The following PLCL1 variants were observed in gnomAD, a reference collection of about 807,000 sequenced individuals.
The protein encoded by PLCL1 is phospholipase C like 1 (inactive).
In PLCL1, 41 loss-of-function variants were observed where a neutral mutation model predicts 84.4. The observed-to-expected ratio is 0.49, with a 90% CI of 0.38 to 0.63. The LOEUF is 0.63. Ranked by LOEUF, PLCL1 falls within the 30% of genes least tolerant of loss-of-function variation. The pLI is 0.00. For synonymous variants in PLCL1, 490 were observed against 488.3 expected, an observed-to-expected ratio of 1.00 and a Z score of -0.05; for missense variants, 1,206 against 1,367.8, an observed-to-expected ratio of 0.88 and a Z score of 1.87.
At chr2:197,978,198 C>G (rs758651699) in intron 1 of PLCL1, among the ~76,000 whole-genome samples, 1 of 152,122 alleles carries the variant, frequency 6.6e-6, no homozygotes, top group Non-Finnish European at 1.5e-5. Context: ...AAGTTCAGGC[C>G]GGGTGTGGTG....
chr2:197,857,945 A>G lies in PLCL1; in HGVS notation c.240+52606A>G, dbSNP rs560161454. Among the ~76,000 whole-genome samples the G allele has an allele frequency of 2.6e-5, 4 of 152,194 alleles. No individual in the cohort carries two copies. The South Asian group carries it at 8.3e-4, about 32-fold the overall frequency. On this transcript the variant is annotated intron_variant, in intron 1 of 5. Coordinates refer to ENST00000428675, the MANE Select transcript of PLCL1 (RefSeq NM_006226.4). ...AAAGAGTCCCTGACTGAGGGCATTT[A>G]CTCTGCAGTTTCTTCATCTAATCAG... is the stretch of plus-strand genomic sequence containing the variant.
intron 1 of PLCL1, among the ~76,000 whole-genome samples, chr2:197,943,182 G>A (rs1287962423): frequency 7.6e-6 from 1 of 131,066 alleles, no homozygotes; most frequent in African/African-American, 2.9e-5. Flanking sequence ...GAGTGACAGA[G>A]TGAGACCCTC....
At chr2:198,014,365 C>T (rs1690941857) in intron 1 of PLCL1, among the ~76,000 whole-genome samples, 1 of 152,046 alleles carries the variant, frequency 6.6e-6, no homozygotes, top group Non-Finnish European at 1.5e-5. Flanking sequence ...CCTCCATTTA[C>T]CATCAATGTG....
At chr2:197,980,271 T>C (rs1239257056) in intron 1 of PLCL1, among the ~76,000 whole-genome samples, 1 of 152,214 alleles carries the variant, frequency 6.6e-6, no homozygotes, top group Non-Finnish European at 1.5e-5. Flanking sequence ...CTGAGTGATA[T>C]GTCCAGTGTG....
At chr2:197,969,017 C>G (rs1053359036) in intron 1 of PLCL1, among the ~76,000 whole-genome samples, 1 of 152,324 alleles carries the variant, frequency 6.6e-6, no homozygotes, top group African/African-American at 2.4e-5. Context: ...AGTCCACCTC[C>G]TGTCAGATCA....
chr2:198,009,194 TC>T (rs1690806565), intron 1 of PLCL1, among the ~76,000 whole-genome samples: 1 of 151,976 alleles, frequency 6.6e-6, no homozygotes, highest in African/African-American at 2.4e-5. Flanking sequence ...TTTGTGTCAT[TC>T]CATTTGTTTA....
intron 1 of PLCL1, among the ~76,000 whole-genome samples, chr2:197,839,838 TA>T (rs1000072642): frequency 1.3e-5 from 2 of 152,230 alleles, no homozygotes; most frequent in African/African-American, 2.4e-5. Flanking sequence ...ATATTATTAT[TA>T]CTTTTTTAAA....
At chr2:198,145,919 T>C (rs1694505804) in intron 5 of PLCL1, among the ~76,000 whole-genome samples, 1 of 152,124 alleles carries the variant, frequency 6.6e-6, no homozygotes, top group Admixed American at 6.6e-5. Context: ...GCCATGAGAA[T>C]GGAGAGGAGA....
intron 1 of PLCL1, among the ~76,000 whole-genome samples, chr2:197,948,058 A>G (rs1689316289): frequency 6.6e-6 from 1 of 152,150 alleles, no homozygotes; most frequent in African/African-American, 2.4e-5. Flanking sequence ...ATAATTGTCC[A>G]GGTTAAAAGT....
At chr2:197,945,650 G>A (rs558074950) in intron 1 of PLCL1, among the ~76,000 whole-genome samples, 6 of 152,126 alleles carry the variant, frequency 3.9e-5, no homozygotes, top group South Asian at 2.1e-4. Flanking sequence ...TCTTCAACTC[G>A]TGGTGCCTCA....
chr2:197,894,026 G>T (rs953024226), intron 1 of PLCL1, among the ~76,000 whole-genome samples: 2 of 151,824 alleles, frequency 1.3e-5, no homozygotes, highest in Admixed American at 1.3e-4. Flanking sequence ...GTGCAGTAAG[G>T]GGTGGGGGGT....
intron 1 of PLCL1, among the ~76,000 whole-genome samples, chr2:197,915,347 A>G (rs1466360088): frequency 1.3e-5 from 2 of 152,198 alleles, no homozygotes; most frequent in Non-Finnish European, 2.9e-5. Context: ...TCAAGATGCC[A>G]AGTCTAAATC....
rs140687264 is a variant in PLCL1 at position 198,048,464 on chromosome 2, A to G, written c.241-35294A>G. On this transcript the variant is annotated intron_variant, in intron 1 of 5. Coordinates refer to ENST00000428675, the MANE Select transcript of PLCL1 (RefSeq NM_006226.4). ...GTAATTTATAAGGAAAAGAGGATTGACCTGGCTCACAGTTCTGCAGGCTGT... is the reference window on the plus strand; with the variant it reads ...GTAATTTATAAGGAAAAGAGGATTGGCCTGGCTCACAGTTCTGCAGGCTGT... 5.0e-3 allele frequency among the ~76,000 whole-genome samples: 766 copies of G among 152,300 alleles called. 7 individuals carry two copies. Among genetic ancestry groups the G allele is most frequent in the African/African-American group, 0.017 (703 of 41,572 alleles).
intron 1 of PLCL1, among the ~76,000 whole-genome samples, chr2:198,003,666 C>G (rs1574238971): frequency 6.6e-6 from 1 of 152,292 alleles, no homozygotes; most frequent in Middle Eastern, 3.4e-3. Context: ...ATATTTTTAG[C>G]TAATGCTCAC....
chr2:197,941,322 C>T (rs1008267952), intron 1 of PLCL1, among the ~76,000 whole-genome samples: 11 of 151,014 alleles, frequency 7.3e-5, no homozygotes, highest in East Asian at 1.9e-4. Flanking sequence ...GACAGGGTCT[C>T]GCTGTGTTGC....
At chr2:197,928,270 A>T (rs1044987852) in intron 1 of PLCL1, among the ~76,000 whole-genome samples, 5 of 152,164 alleles carry the variant, frequency 3.3e-5, no homozygotes, top group Non-Finnish European at 7.4e-5. Flanking sequence ...ACATGACTTA[A>T]TTGTCATGGT....
intron 1 of PLCL1, among the ~76,000 whole-genome samples, chr2:198,046,523 G>A (rs978716313): frequency 1.3e-5 from 2 of 152,146 alleles, no homozygotes; most frequent in Non-Finnish European, 2.9e-5. Flanking sequence ...TTATAATCGA[G>A]GGCTAAATTG....
chr2:197,874,239 T>C (rs1161459644), intron 1 of PLCL1, among the ~76,000 whole-genome samples: 2 of 152,164 alleles, frequency 1.3e-5, no homozygotes, highest in Non-Finnish European at 1.5e-5. Flanking sequence ...ATCAACTTAC[T>C]GATATAAATT....
chr2:198,029,460 T>A (rs1691354132), intron 1 of PLCL1, among the ~76,000 whole-genome samples: 1 of 152,194 alleles, frequency 6.6e-6, no homozygotes, highest in African/African-American at 2.4e-5. Context: ...GGATCTAAAT[T>A]GCTTCTGAGG....
Sources: gnomAD v4.1 joint callset for allele counts (sites outside exome capture counted in the v4.1 genomes callset) on GRCh38, gnomAD v4.1.1 for gene constraint, MANE v1.5 for transcripts, NCBI Gene and HGNC (gene_info 2026-07-23, HGNC 2026-07-21) for gene names.